STAU2: variants seen among roughly 807,000 people sequenced by gnomAD.
The protein encoded by STAU2 is double-stranded RNA-binding protein Staufen homolog 2.
A neutral mutation model predicts 65.9 loss-of-function variants in STAU2; 20 were observed. The observed-to-expected ratio is 0.30, with a 90% CI of 0.21 to 0.44. The LOEUF (loss-of-function observed/expected upper bound fraction) is 0.44, where lower values mean the gene tolerates loss of function less well. STAU2 is among the 20% of genes least tolerant of loss of function. The pLI, the probability that STAU2 is intolerant of heterozygous loss-of-function variation, is 1.00. For synonymous variants in STAU2, 232 were observed against 233.9 expected (o/e 0.99, Z 0.07); for missense variants, 558 against 683.9 (o/e 0.82, Z 2.05).
At chr8:73,627,235 GA>G (rs1251430339) in intron 6 of STAU2, among the ~76,000 whole-genome samples, 5 of 73,038 alleles carry the variant, frequency 6.8e-5, no homozygotes, top group Admixed American at 1.2e-4. Flanking sequence ...GGGGGGGCAG[GA>G]GGGCGGGTTC....
intron 13 of STAU2, among the ~76,000 whole-genome samples, chr8:73,491,463 C>T (rs565630184): frequency 6.6e-6 from 1 of 152,048 alleles, no homozygotes; most frequent in East Asian, 1.9e-4. Context: ...CCTAACATTT[C>T]TGTGTGTACT....
At chr8:73,483,027 T>A (rs1585850791) in intron 13 of STAU2, among the ~76,000 whole-genome samples, 1 of 124,330 alleles carries the variant, frequency 8.0e-6, no homozygotes, top group East Asian at 3.0e-4. Context: ...CCTTACACAA[T>A]AAATTTTTAA....
chr8:73,581,945 G>A (rs1810018749), intron 12 of STAU2, among the ~76,000 whole-genome samples: 1 of 152,130 alleles, frequency 6.6e-6, no homozygotes, highest in South Asian at 2.1e-4. Context: ...AGTGCCCAGA[G>A]GTTGTAAAGA....
At chr8:73,656,620 T>C (rs990862547) in intron 6 of STAU2, among the ~76,000 whole-genome samples, 3 of 152,248 alleles carry the variant, frequency 2.0e-5, no homozygotes, top group African/African-American at 7.2e-5. Context: ...AATTCCAATA[T>C]CCTTTTGCTG....
chr8:73,487,510 A>G (rs776199195), intron 13 of STAU2, among the ~76,000 whole-genome samples: 14 of 152,104 alleles, frequency 9.2e-5, no homozygotes, highest in Admixed American at 2.0e-4. Flanking sequence ...AAACACACAG[A>G]AGTGCCCTTC....
rs71561522 is a variant in STAU2 at position 73,429,413 on chromosome 8, C to CTTTTTTTTTT, written c.1531-6721_1531-6712dup. Among the ~76,000 whole-genome samples the CTTTTTTTTTT allele has an allele frequency of 8.1e-4, 53 of 65,364 alleles. 21 individuals are homozygous for CTTTTTTTTTT. The highest frequency in any genetic ancestry group is 1.6e-3 in the Non-Finnish European group (47 of 28,528). 42.9% of individuals were successfully genotyped at this position (65,364 alleles called of 152,430 possible). On this transcript the variant is annotated intron_variant, in intron 13 of 14. Transcript: ENST00000524300. ...AACCAATCTATATTCTTGCTCAGGT[C>CTTTTTTTTTT]TTTTTTTTTTTTTTTTTTTTTTTTT...
intron 3 of STAU2, among the ~76,000 whole-genome samples, chr8:73,711,293 C>T (rs557258492): frequency 6.6e-6 from 1 of 152,072 alleles, no homozygotes; most frequent in Non-Finnish European, 1.5e-5. Context: ...GAAAGTCAGT[C>T]GTTATAAGAA....
At chr8:73,522,349 A>G (rs1823086973) in intron 13 of STAU2, among the ~76,000 whole-genome samples, 1 of 152,206 alleles carries the variant, frequency 6.6e-6, no homozygotes, top group South Asian at 2.1e-4. Context: ...TCAAGCTAGG[A>G]GATTACAAAA....
intron 9 of STAU2, among the ~76,000 whole-genome samples, chr8:73,605,842 T>TACACACACACACAC (rs1176899097): frequency 1.6e-4 from 19 of 118,392 alleles, no homozygotes; most frequent in African/African-American, 5.2e-4. Context: ...CACATACACA[T>TACACACACACACAC]ACACACACAC....
intron 13 of STAU2, among the ~76,000 whole-genome samples, chr8:73,538,746 C>T (rs1370670381): frequency 2.7e-5 from 4 of 150,364 alleles, no homozygotes; most frequent in Admixed American, 2.0e-4. Flanking sequence ...GAAACTTAAA[C>T]CAAGAAACAT....
chr8:73,558,274 A>C (rs1807935464), intron 12 of STAU2, among the ~76,000 whole-genome samples: 1 of 152,230 alleles, frequency 6.6e-6, no homozygotes, highest in Non-Finnish European at 1.5e-5. Flanking sequence ...GGTTGTCCCT[A>C]GATGTTCCAG....
intron 6 of STAU2, among the ~76,000 whole-genome samples, chr8:73,624,043 GC>G (rs749103861): frequency 5.9e-5 from 9 of 152,058 alleles, no homozygotes; most frequent in Non-Finnish European, 1.2e-4. Flanking sequence ...TGCACTAAAA[GC>G]TAGGATAGGG....
At chr8:73,578,145 A>G (rs1353702177) in intron 12 of STAU2, among the ~76,000 whole-genome samples, 1 of 152,206 alleles carries the variant, frequency 6.6e-6, no homozygotes, top group Non-Finnish European at 1.5e-5. Flanking sequence ...TTTAAAAAAA[A>G]TGTATCTGAT....
intron 5 of STAU2, among the ~76,000 whole-genome samples, chr8:73,674,157 T>C (rs1476503535): frequency 6.7e-6 from 1 of 149,154 alleles, no homozygotes; most frequent in Non-Finnish European, 1.5e-5. Flanking sequence ...TACTTAGGAA[T>C]GGAAGCTGTA....
intron 6 of STAU2, among the ~76,000 whole-genome samples, chr8:73,623,152 C>A (rs888732415): frequency 5.9e-5 from 9 of 152,138 alleles, no homozygotes; most frequent in African/African-American, 2.2e-4. Flanking sequence ...TCACTTATAT[C>A]TGACTGTTAG....
chr8:73,478,650 A>C (rs948409372), intron 13 of STAU2, among the ~76,000 whole-genome samples: 1 of 152,216 alleles, frequency 6.6e-6, no homozygotes, highest in African/African-American at 2.4e-5. Context: ...AGGGCTGCCA[A>C]GAAGTTAATG....
chr8:73,433,885 G>C (rs1028855454), intron 13 of STAU2, among the ~76,000 whole-genome samples: 2 of 151,868 alleles, frequency 1.3e-5, no homozygotes, highest in African/African-American at 4.9e-5. Context: ...TCCACCTGCT[G>C]CTGAGGCACG....
intron 13 of STAU2, chr8:73,511,431 A>G (rs1253964359): frequency 6.6e-6 from 1 of 152,638 alleles, no homozygotes; most frequent in African/African-American, 2.4e-5. Flanking sequence ...CCTCTGCTGT[A>G]TTTGCTAAAT....
At chr8:73,635,366 T>C (rs1814409878) in intron 6 of STAU2, among the ~76,000 whole-genome samples, 1 of 152,182 alleles carries the variant, frequency 6.6e-6, no homozygotes, top group Non-Finnish European at 1.5e-5. Context: ...ATAGGATGCA[T>C]TTCTCTCCCT....
Sources: gnomAD v4.1 joint callset for allele counts (sites outside exome capture counted in the v4.1 genomes callset) on GRCh38, gnomAD v4.1.1 for gene constraint, MANE v1.5 for transcripts, NCBI Gene and HGNC (gene_info 2026-07-23, HGNC 2026-07-21) for gene names.